EPB41L2: variants seen among roughly 807,000 people sequenced by gnomAD.
EPB41L2 encodes erythrocyte membrane protein band 4.1 like 2.
EPB41L2 carries 43 observed loss-of-function variants against 113.0 expected under a neutral mutation model. The ratio of observed to expected loss-of-function variants is 0.38; its 90% confidence interval spans 0.30 to 0.49. EPB41L2 has a LOEUF of 0.49. EPB41L2 is among the 20% of genes least tolerant of loss of function. The pLI is 0.95. For missense variants in EPB41L2, 1,147 were observed against 1,223.4 expected, an observed-to-expected ratio of 0.94 and a Z score of 0.93; for synonymous variants, 442 against 436.7, an observed-to-expected ratio of 1.01 and a Z score of -0.15.
intron 1 of EPB41L2, among the ~76,000 whole-genome samples, chr6:131,023,015 T>C (rs939983545): frequency 1.3e-5 from 2 of 152,212 alleles, no homozygotes; most frequent in Non-Finnish European, 2.9e-5. Flanking sequence ...GGCATCAATA[T>C]ATGTTTGTTG....
At position 130,955,087 on chromosome 6, in the gene EPB41L2, C is replaced by T; in HGVS notation, c.705+18G>A. 6.2e-7 allele frequency: 1 copy of T among 1,610,284 alleles called. No homozygotes were observed. Among genetic ancestry groups the T allele is most frequent in the Non-Finnish European group, 8.5e-7 (1 of 1,176,572 alleles). On this transcript the variant is annotated intron_variant, in intron 3 of 19. Transcript: ENST00000337057. ...AATCCACATATCAAGCTAGCTCTCA[C>T]TCAGCTCCCTATCTCACCTCCAGGT...
chr6:130,855,533 T>C (rs996528747), intron 19 of EPB41L2, among the ~76,000 whole-genome samples: 2 of 152,158 alleles, frequency 1.3e-5, no homozygotes, highest in African/African-American at 4.8e-5. Flanking sequence ...ATCTCAGATA[T>C]GAAGAGTCAG....
At chr6:130,915,234 C>T (rs1373812625) in intron 4 of EPB41L2, among the ~76,000 whole-genome samples, 5 of 151,666 alleles carry the variant, frequency 3.3e-5, no homozygotes, top group Admixed American at 6.6e-5. Flanking sequence ...ACCCGGGAGG[C>T]GGAGCTTGCA....
chr6:130,880,445 C>A, intron 12 of EPB41L2: 1 of 647,334 alleles, frequency 1.5e-6, no homozygotes, highest in Admixed American at 2.6e-5. Context: ...TTAGGGAAAA[C>A]TCAGCCACCT....
chr6:130,984,142 A>G (rs1482574007), intron 1 of EPB41L2, among the ~76,000 whole-genome samples: 1 of 152,106 alleles, frequency 6.6e-6, no homozygotes, highest in Non-Finnish European at 1.5e-5. Context: ...TTCCACCTCC[A>G]TATCTTGTGC....
intron 1 of EPB41L2, among the ~76,000 whole-genome samples, chr6:131,041,425 A>G (rs555267539): frequency 6.6e-6 from 1 of 152,340 alleles, no homozygotes; most frequent in South Asian, 2.1e-4. Flanking sequence ...GTCCAGCTAG[A>G]AACACCTGAG....
intron 1 of EPB41L2, among the ~76,000 whole-genome samples, chr6:131,036,720 G>GT (rs1793393847): frequency 1.3e-5 from 2 of 151,870 alleles, no homozygotes; most frequent in South Asian, 2.1e-4. Flanking sequence ...TGAGGCCCAG[G>GT]TTTTTTTTAA....
chr6:130,913,594 C>T (rs1583387613), intron 4 of EPB41L2, among the ~76,000 whole-genome samples: 1 of 152,146 alleles, frequency 6.6e-6, no homozygotes, highest in East Asian at 1.9e-4. Flanking sequence ...CCTCTCCACG[C>T]TGTGATCATC....
In EPB41L2 at chr6:131,048,989, C is replaced by CTA. The variant is rs578053902; in HGVS notation, c.-15+14164_-15+14165dup. 4.1e-3 allele frequency among the ~76,000 whole-genome samples: 617 copies of CTA among 152,154 alleles called. 6 individuals carry two copies. Among genetic ancestry groups the CTA allele is most frequent in the Middle Eastern group, 0.024 (7 of 290 alleles). On this transcript the variant is annotated intron_variant, in intron 1 of 19. Transcript: ENST00000337057. ...AGCAAGTAACACATAAATCATAGAT[C>CTA]TATAGACTATTCTAGAATCTACCCT...
intron 1 of EPB41L2, among the ~76,000 whole-genome samples, chr6:131,016,464 C>G (rs1288243906): frequency 3.0e-5 from 4 of 134,876 alleles, no homozygotes; most frequent in African/African-American, 1.1e-4. Context: ...ATTTATTAAG[C>G]ATTTAATAAG....
At chr6:130,870,280 C>T (rs530697949) in intron 14 of EPB41L2, 154 bp from the exon 15 acceptor site, 2 of 1,547,084 alleles carry the variant, frequency 1.3e-6, no homozygotes, top group South Asian at 2.4e-5. Context: ...AACGTGAGGG[C>T]AATGAGAAAC....
chr6:130,932,141 T>G (rs540804108), intron 3 of EPB41L2, among the ~76,000 whole-genome samples: 30 of 152,298 alleles, frequency 2.0e-4, no homozygotes, highest in Middle Eastern at 3.4e-3. Context: ...TTCCATTATC[T>G]AATCAAACTT....
chr6:130,922,385 C>T (rs557888138), intron 4 of EPB41L2, among the ~76,000 whole-genome samples: 1 of 152,358 alleles, frequency 6.6e-6, no homozygotes, highest in African/African-American at 2.4e-5. Context: ...TCTGAGGCAA[C>T]ATGGTATTCT....
At chr6:130,890,853 C>T (rs144301680) in intron 10 of EPB41L2, among the ~76,000 whole-genome samples, 1,760 of 152,266 alleles carry the variant, frequency 0.012, 18 homozygotes, top group Non-Finnish European at 0.019. Flanking sequence ...ATATTTATGC[C>T]TATTTCTCCT....
intron 1 of EPB41L2, among the ~76,000 whole-genome samples, chr6:130,969,429 G>C (rs1776212514): frequency 6.6e-6 from 1 of 152,124 alleles, no homozygotes; most frequent in Non-Finnish European, 1.5e-5. Context: ...TAGACTGTTA[G>C]ATTATATAAA....
chr6:130,877,626 T>G (rs1006311967), intron 14 of EPB41L2, among the ~76,000 whole-genome samples: 1 of 152,182 alleles, frequency 6.6e-6, no homozygotes, highest in Non-Finnish European at 1.5e-5. Flanking sequence ...ATATATAATA[T>G]TTTTCAAGCT....
intron 3 of EPB41L2, among the ~76,000 whole-genome samples, chr6:130,930,176 T>C (rs367604507): frequency 7.9e-5 from 12 of 152,122 alleles, no homozygotes; most frequent in East Asian, 7.7e-4. Context: ...CTGTTTCCCA[T>C]TATTCCTTTC....
chr6:130,900,315 T>C (rs2128495250), intron 7 of EPB41L2, among the ~76,000 whole-genome samples: 1 of 152,332 alleles, frequency 6.6e-6, no homozygotes, highest in South Asian at 2.1e-4. Context: ...ACTTTAGTAA[T>C]ATTTAATAAA....
intron 7 of EPB41L2, 120 bp from the exon 8 acceptor site, chr6:130,899,698 C>A: frequency 1.2e-6 from 1 of 843,756 alleles, no homozygotes; most frequent in Non-Finnish European, 1.9e-6. Context: ...GCCAAGTTTG[C>A]AGAAAAGTAG....
Sources: allele counts gnomAD v4.1 joint callset (sites outside exome capture counted in the v4.1 genomes callset), GRCh38; gene constraint gnomAD v4.1.1; transcripts MANE v1.5; gene names NCBI Gene and HGNC (gene_info 2026-07-23, HGNC 2026-07-21).